CDH6: variants seen among roughly 807,000 people sequenced by gnomAD.
The protein encoded by CDH6 is cadherin-6.
A neutral mutation model predicts 78.0 loss-of-function variants in CDH6; 31 were observed. The ratio of observed to expected loss-of-function variants is 0.40; its 90% CI spans 0.30 to 0.54. The LOEUF is 0.54. CDH6 is among the 20% of genes least tolerant of loss of function. The probability of loss-of-function intolerance (pLI) is 0.56; values close to 1 mark genes in which losing one functional copy is unlikely to be tolerated. For synonymous variants in CDH6, 376 were observed against 368.8 expected (o/e 1.02, Z -0.23); for missense variants, 724 against 975.9 (o/e 0.74, Z 3.44).
chr5:31,253,204 G>A (rs550251482), intron 1 of CDH6, among the ~76,000 whole-genome samples: 33 of 152,264 alleles, frequency 2.2e-4, no homozygotes, highest in African/African-American at 7.2e-4. Context: ...ATCTCATCTT[G>A]AATTGTAGTT....
intron 11 of CDH6, 40 bp downstream of exon 11, chr5:31,317,964 G>A: frequency 6.2e-7 from 1 of 1,603,956 alleles, no homozygotes; most frequent in Non-Finnish European, 8.5e-7. Context: ...CCCATGGTGA[G>A]GGGCTCACAC....
At chr5:31,202,712 C>T (rs1003095221) in intron 1 of CDH6, among the ~76,000 whole-genome samples, 5 of 150,032 alleles carry the variant, frequency 3.3e-5, no homozygotes, top group East Asian at 2.0e-4. Context: ...TACATACATG[C>T]GTATATATGT....
chr5:31,226,874 ACT>A (rs1292586072), intron 1 of CDH6, among the ~76,000 whole-genome samples: 3 of 152,192 alleles, frequency 2.0e-5, no homozygotes, highest in Admixed American at 2.0e-4. Flanking sequence ...CAATCAAATC[ACT>A]CTGTGAGACT....
chr5:31,207,393 A>T (rs559527855), intron 1 of CDH6, among the ~76,000 whole-genome samples: 5 of 152,266 alleles, frequency 3.3e-5, no homozygotes, highest in African/African-American at 7.2e-5. Context: ...GCCAAATCTT[A>T]TTGGATCTTC....
chr5:31,301,063 C>A (rs1448953553), intron 5 of CDH6, among the ~76,000 whole-genome samples: 2 of 152,150 alleles, frequency 1.3e-5, no homozygotes, highest in African/African-American at 4.8e-5. Flanking sequence ...TTTGAGGCTG[C>A]AGTGAGCCAT....
chr5:31,253,980 A>C (rs1208687427), intron 1 of CDH6, among the ~76,000 whole-genome samples: 3 of 152,224 alleles, frequency 2.0e-5, no homozygotes, highest in Non-Finnish European at 4.4e-5. Context: ...AGTCGACCAC[A>C]GTCCAAAAAT....
At position 31,267,554 on chromosome 5, in the gene CDH6, G is replaced by C. The variant is rs1474458057; in HGVS notation, c.81G>C (p.Arg27Ser). ...CTCTCTCAACTCCACTATCAAAGAGGACTAGTGGTTTCCCAGCAAAGAAAA... is the reference window on the plus strand; with the variant it reads ...CTCTCTCAACTCCACTATCAAAGAGCACTAGTGGTTTCCCAGCAAAGAAAA... ...YPTLSTPLSK[R>S]TSGFPAKKRA... The change falls in exon 2 of 12, where the codon AGG becomes AGC. Residue 27 changes from arginine (R) to serine (S), a missense_variant. By Grantham distance (110) the Arg-to-Ser change is moderately radical. Transcript: ENST00000265071. 3 of 1,614,036 alleles carry C rather than the reference G, an allele frequency of 1.9e-6. No homozygotes were observed. Among genetic ancestry groups the C allele is most frequent in the Admixed American group, 3.3e-5 (2 of 60,012 alleles).
At chr5:31,304,102 C>T (rs190573996) in intron 6 of CDH6, among the ~76,000 whole-genome samples, 19 of 152,148 alleles carry the variant, frequency 1.2e-4, no homozygotes, top group Admixed American at 9.2e-4. Flanking sequence ...TCACTACTTT[C>T]TTTGACAAAT....
intron 1 of CDH6, among the ~76,000 whole-genome samples, chr5:31,234,417 T>G (rs1425124981): frequency 6.6e-6 from 1 of 152,214 alleles, no homozygotes; most frequent in Non-Finnish European, 1.5e-5. Context: ...TAAGTCATAT[T>G]TAGCAAAACC....
At chr5:31,306,406 C>G (rs952828962) in intron 7 of CDH6, among the ~76,000 whole-genome samples, 11 of 152,090 alleles carry the variant, frequency 7.2e-5, no homozygotes, top group Non-Finnish European at 1.3e-4. Flanking sequence ...TCAGTATTCT[C>G]GGATCTTAAC....
At position 31,302,247 on chromosome 5, in the gene CDH6, T is replaced by C. The variant is rs144854625; in HGVS notation, c.948T>C (p.Phe316=). 2.4e-5 allele frequency: 38 copies of C among 1,613,992 alleles called. No homozygotes were observed. The African/African-American group carries it at 4.9e-4, about 21-fold the overall frequency. Residue 316 remains phenylalanine, a synonymous_variant, in exon 6 of 12, where the codon TTT becomes TTC. Transcript: ENST00000265071. ...SITDGEGLDM[F]DVITDQETQE... ...CAGACGGTGAGGGGCTGGATATGTT[T>C]GATGTCATCACCGACCAGGAAACCC...
chr5:31,273,434 C>T (rs901294814), intron 2 of CDH6, among the ~76,000 whole-genome samples: 6 of 152,130 alleles, frequency 3.9e-5, no homozygotes, highest in African/African-American at 1.4e-4. Flanking sequence ...TGGGTTATCT[C>T]GTTGGATCCT....
At chr5:31,237,332 T>C (rs2111867116) in intron 1 of CDH6, among the ~76,000 whole-genome samples, 1 of 152,288 alleles carries the variant, frequency 6.6e-6, no homozygotes, top group South Asian at 2.1e-4. Context: ...CAGATGGCGA[T>C]AGCCACATGG....
chr5:31,208,833 T>C (rs2111797493), intron 1 of CDH6, among the ~76,000 whole-genome samples: 1 of 152,364 alleles, frequency 6.6e-6, no homozygotes, highest in African/African-American at 2.4e-5. Flanking sequence ...AGATTCTATG[T>C]ACCTTGTTGT....
intron 2 of CDH6, among the ~76,000 whole-genome samples, chr5:31,288,365 T>C (rs893720594): frequency 2.6e-5 from 4 of 152,234 alleles, no homozygotes; most frequent in African/African-American, 9.6e-5. Context: ...TGGAATTTTA[T>C]TAAAATGCAC....
chr5:31,202,694 C>CACATATATACATACATGCGTATATATGTT (rs1740389901), intron 1 of CDH6, among the ~76,000 whole-genome samples: 3 of 150,760 alleles, frequency 2.0e-5, no homozygotes, highest in South Asian at 2.1e-4. Flanking sequence ...TGTATATATA[C>CACATATATACATACATGCGTATATATGTT]ACATATATAC....
At chr5:31,269,842 C>T (rs983474428) in intron 2 of CDH6, among the ~76,000 whole-genome samples, 50 of 152,108 alleles carry the variant, frequency 3.3e-4, no homozygotes, top group Non-Finnish European at 1.3e-4. Context: ...CCTGCTGCCC[C>T]TCCTTCTCCT....
chr5:31,318,962 G>A (rs1006691088), intron 11 of CDH6: 4 of 221,274 alleles, frequency 1.8e-5, no homozygotes, highest in Admixed American at 5.8e-5. Context: ...ACAGAACTGC[G>A]ATTCTCTTTG....
intron 1 of CDH6, among the ~76,000 whole-genome samples, chr5:31,213,949 A>T (rs543527993): frequency 1.3e-5 from 2 of 152,092 alleles, no homozygotes; most frequent in African/African-American, 4.8e-5. Context: ...TCCTCTGCCC[A>T]TTGGCACCAT....
Sources: allele counts gnomAD v4.1 joint callset (sites outside exome capture counted in the v4.1 genomes callset), GRCh38; gene constraint gnomAD v4.1.1; transcripts MANE v1.5; gene names NCBI Gene and HGNC (gene_info 2026-07-23, HGNC 2026-07-21).